Variants in DNMT3A observed in about 807,000 individuals in gnomAD.
DNMT3A encodes the protein DNA methyltransferase 3 alpha, also known as DNA (cytosine-5)-methyltransferase 3A.
A neutral mutation model predicts 117.6 loss-of-function variants in DNMT3A; 267 were observed. The observed-to-expected ratio is 2.27, with a 90% CI of 2.05 to 2.51. The LOEUF (loss-of-function observed/expected upper bound fraction) is 2.51, where lower values mean the gene tolerates loss of function less well. Ranked by LOEUF, DNMT3A falls within the 30% of genes most tolerant of loss-of-function variation. The probability of loss-of-function intolerance (pLI) is 0.00; values close to 1 mark genes in which losing one functional copy is unlikely to be tolerated. For missense variants in DNMT3A, 1,029 were observed against 1,260.2 expected, an observed-to-expected ratio of 0.82 and a Z score of 2.78; for synonymous variants, 432 against 474.8, an observed-to-expected ratio of 0.91 and a Z score of 1.17.
intron 3 of DNMT3A, among the ~76,000 whole-genome samples, chr2:25,292,568 C>A (rs890703794): frequency 1.3e-5 from 2 of 152,124 alleles, no homozygotes; most frequent in Admixed American, 6.5e-5. Flanking sequence ...CTCTGCCCCC[C>A]AGCTGTGCTG....
chr2:25,313,474 C>A (rs918709574), intron 2 of DNMT3A, among the ~76,000 whole-genome samples: 1 of 152,176 alleles, frequency 6.6e-6, no homozygotes, highest in Admixed American at 6.5e-5. Context: ...GTCTGCCGTG[C>A]CCCACCCCAG....
intron 6 of DNMT3A, among the ~76,000 whole-genome samples, chr2:25,268,059 A>C (rs1022759657): frequency 1.3e-5 from 2 of 152,138 alleles, no homozygotes; most frequent in Non-Finnish European, 2.9e-5. Flanking sequence ...CTTAAGGTCC[A>C]TGAAGGCTCT....
chr2:25,335,243 C>T (rs2035165604), intron 1 of DNMT3A, among the ~76,000 whole-genome samples: 1 of 152,226 alleles, frequency 6.6e-6, no homozygotes, highest in Admixed American at 6.5e-5. Flanking sequence ...GTGGATTCCC[C>T]TTTACCCATG....
intron 20 of DNMT3A, 66 bp downstream of exon 20, chr2:25,239,064 C>A: frequency 6.8e-7 from 1 of 1,472,774 alleles, no homozygotes; most frequent in East Asian, 2.3e-5. Context: ...AGGGGCTTCC[C>A]CACTATGGGT....
At chr2:25,241,881 A>G (rs776317439) in intron 16 of DNMT3A, 174 bp from the exon 17 acceptor site, 1 of 792,916 alleles carries the variant, frequency 1.3e-6, no homozygotes, top group Non-Finnish European at 1.9e-6. Flanking sequence ...TATCCATAGT[A>G]AGGACATCGA....
At chr2:25,342,003 T>G, upstream of DNMT3A, 2 of 898,790 alleles carry the variant, frequency 2.2e-6, no homozygotes, top group Middle Eastern at 5.7e-4. This position sits in a 1 kb window ranked among gnomAD's most constrained non-coding sequence, Gnocchi z 5.9. Context: ...GCTCCCTCTC[T>G]CCGCCTCCTC....
chr2:25,262,469 C>G (rs2149345893), intron 6 of DNMT3A, among the ~76,000 whole-genome samples: 1 of 152,282 alleles, frequency 6.6e-6, no homozygotes, highest in East Asian at 1.9e-4. Flanking sequence ...TGCTCTTCCT[C>G]CAAGATTCTC....
chr2:25,275,616 C>A lies in DNMT3A; in HGVS notation c.449-73G>T, dbSNP rs184311350. On this transcript the variant is annotated intron_variant, in intron 4 of 22. Transcript: ENST00000321117. ...TACTGGAGTGGCTCACAGGCCCCAC[C>A]TTGTGCCTGGGGTCCCTGCCACAGG... 6.7e-3 allele frequency: 10,112 copies of A among 1,503,070 alleles called. 38 individuals carry two copies. Among genetic ancestry groups the A allele is most frequent in the Middle Eastern group, 8.0e-3 (45 of 5,614 alleles). 93.1% of individuals were successfully genotyped at this position (1,503,070 alleles called of 1,614,324 possible).
chr2:25,234,561 CTCTGACGCCTGCTTAGTTCTGCCGAATCT>C lies in DNMT3A; in HGVS notation c.2598-170_2598-142del. 1.1e-6 allele frequency: 1 copy of C among 923,400 alleles called. No homozygotes were observed. 57.2% of individuals were successfully genotyped at this position (923,400 alleles called of 1,614,324 possible). A position where few individuals can be genotyped will look rare whatever the true frequency, so the allele number is the denominator to read the frequency against. ...CAGGGGCACTCACACCCACCAACTC[CTCTGACGCCTGCTTAGTTCTGCCGAATCT>C]TCTGTCCTTTATAAACAACCCGGCA... is the stretch of plus-strand genomic sequence containing the variant. On this transcript the variant is annotated intron_variant, in intron 22 of 22. Coordinates refer to ENST00000321117, the MANE Select transcript of DNMT3A (RefSeq NM_022552.5). This position sits in a 1 kb window ranked among gnomAD's most constrained non-coding sequence, Gnocchi z 4.5.
chr2:25,272,522 C>T (rs995779690), intron 6 of DNMT3A, among the ~76,000 whole-genome samples: 1 of 152,196 alleles, frequency 6.6e-6, no homozygotes, highest in Non-Finnish European at 1.5e-5. Context: ...AGAACAGAAA[C>T]ACTTCGCTCA....
chr2:25,280,022 T>C (rs892311154), intron 4 of DNMT3A, among the ~76,000 whole-genome samples: 4 of 152,044 alleles, frequency 2.6e-5, no homozygotes, highest in African/African-American at 9.7e-5. Context: ...CAAGGAGACT[T>C]AAAGAGTTTT....
chr2:25,255,162 G>A (rs887621559), intron 6 of DNMT3A, among the ~76,000 whole-genome samples: 2 of 152,116 alleles, frequency 1.3e-5, no homozygotes, highest in African/African-American at 4.8e-5. Flanking sequence ...TCTTCTTTGT[G>A]GTCAATGCAC....
chr2:25,333,164 G>A (rs550910768), intron 1 of DNMT3A, among the ~76,000 whole-genome samples: 2 of 152,288 alleles, frequency 1.3e-5, no homozygotes, highest in East Asian at 1.9e-4. Flanking sequence ...GTCAGATAAC[G>A]GAAGCTAAGG....
In DNMT3A at chr2:25,282,105, C is replaced by T; in HGVS notation, c.448+336G>A. The T allele has an allele frequency of 8.7e-7, 1 of 1,143,108 alleles. No homozygotes were observed. The highest frequency in any genetic ancestry group is 1.6e-5 in the African/African-American group (1 of 61,632). The allele number at this position is 1,143,108 out of a possible 1,614,324, so 70.8% of individuals were successfully genotyped here. On this transcript the variant is annotated intron_variant, in intron 4 of 22. Transcript: ENST00000321117. This position sits in a 1 kb window ranked among gnomAD's most constrained non-coding sequence, Gnocchi z 5.2. ...GGCGATGGAGGGACCGCCATTATCC[C>T]AGTCTAGCAATCGTTGGCGTTATGA...
In DNMT3A at chr2:25,339,663, G is replaced by A. The variant is rs2035337599; in HGVS notation, c.-178+2163C>T. 6.6e-6 allele frequency among the ~76,000 whole-genome samples: 1 copy of A among 152,144 alleles called. No homozygotes were observed. Among genetic ancestry groups the A allele is most frequent in the Admixed American group, 6.5e-5 (1 of 15,290 alleles). On this transcript the variant is annotated intron_variant, in intron 1 of 22. Coordinates refer to ENST00000321117, the MANE Select transcript of DNMT3A (RefSeq NM_022552.5). This position sits in a 1 kb window ranked among gnomAD's most constrained non-coding sequence, Gnocchi z 4.9. ...GGCCTCGGTAGAACCTGGAGGCAGA[G>A]GGGGACCATTTTGCCCCAGAAACCC...
At chr2:25,329,730 CA>C (rs922939764) in intron 1 of DNMT3A, among the ~76,000 whole-genome samples, 16 of 148,448 alleles carry the variant, frequency 1.1e-4, no homozygotes, top group Non-Finnish European at 2.1e-4. Context: ...CAGATACAAA[CA>C]CACATAGATG....
At chr2:25,284,269 G>A (rs2032113254) in intron 3 of DNMT3A, among the ~76,000 whole-genome samples, 2 of 152,226 alleles carry the variant, frequency 1.3e-5, no homozygotes, top group African/African-American at 2.4e-5. Context: ...GTCAGGTGGA[G>A]ATGACTGGTC....
At chr2:25,340,132 C>T (rs2035358914) in intron 1 of DNMT3A, among the ~76,000 whole-genome samples, 1 of 152,144 alleles carries the variant, frequency 6.6e-6, no homozygotes, top group African/African-American at 2.4e-5. Context: ...GGGGCTCGGC[C>T]CTGCCCACCC....
chr2:25,248,250 A>G lies in DNMT3A; in HGVS notation c.642T>C (p.Ala214=). 6.2e-7 allele frequency: 1 copy of G among 1,611,938 alleles called. No homozygotes were observed. Among genetic ancestry groups the G allele is most frequent in the Non-Finnish European group, 8.5e-7 (1 of 1,179,486 alleles). Reference sequence around the variant, plus strand: ...CTGCAATGACCTTGGCTTTCTTCTCAGCCTGGGGAAACAAAAAACAAAAAG... The same window carrying G: ...CTGCAATGACCTTGGCTTTCTTCTCGGCCTGGGGAAACAAAAAACAAAAAG... ...DEWLARWKRE[A]EKKAKVIAGM... The change falls in exon 7 of 23, where the codon GCT becomes GCC. Residue 214 remains alanine, a splice_region_variant and synonymous_variant. Coordinates refer to ENST00000321117, the MANE Select transcript of DNMT3A (RefSeq NM_022552.5).
Sources: allele counts gnomAD v4.1 joint callset (sites outside exome capture counted in the v4.1 genomes callset), GRCh38; gene constraint gnomAD v4.1.1; non-coding constraint Gnocchi (gnomAD v3.1); transcripts MANE v1.5; gene names NCBI Gene and HGNC (gene_info 2026-07-23, HGNC 2026-07-21).